The following EPO variants were observed in gnomAD, a reference collection of about 807,000 sequenced individuals.
EPO encodes epoetin.
A neutral mutation model predicts 24.4 loss-of-function variants in EPO; 12 were observed. The ratio of observed to expected loss-of-function variants is 0.49; its 90% CI spans 0.32 to 0.80. EPO has a LOEUF of 0.80. Ranked by LOEUF, EPO falls within the 30% of genes least tolerant of loss-of-function variation. EPO has a pLI of 0.04. For missense variants in EPO, 210 were observed against 238.0 expected (o/e 0.88, Z 0.77); for synonymous variants, 107 against 104.0 (o/e 1.03, Z -0.18).
rs749758292 is a variant in EPO, at chr7:100,722,666, C to T, written c.249C>T (p.Val83=). 28 of 1,588,420 alleles carry T rather than the reference C, an allele frequency of 1.8e-5. No individual in the cohort carries two copies. In the Admixed American group the frequency reaches 2.7e-4, roughly 15 times the overall value. Residue 83 remains valine (V), a splice_region_variant and synonymous_variant, in exon 4 of 5, where the codon GTC becomes GTT. Coordinates refer to ENST00000252723, the MANE Select transcript of EPO (RefSeq NM_000799.4). ...VNFYAWKRME[V]GQQAVEVWQG... The stretch of plus-strand genomic sequence containing the variant: ...CTCCCAGAGTCCACTCCCTGTAGGT[C>T]GGGCAGCAGGCCGTAGAAGTCTGGC...
chr7:100,721,501 T>A lies in EPO; in HGVS notation c.14-57T>A. On this transcript the variant is annotated intron_variant, in intron 1 of 4. Transcript: ENST00000252723. The surrounding 1 kb of genome is among the most constrained non-coding windows in gnomAD (Gnocchi z 4.0). ...GACGTGGGGATGAAGGAAGCTGTCC[T>A]TCCACAGCCACCCTTCTCCCTCCCC... is the stretch of plus-strand genomic sequence containing the variant. 1 of 1,583,676 alleles carries A rather than the reference T, an allele frequency of 6.3e-7. No individual in the cohort carries two copies. Among genetic ancestry groups the A allele is most frequent in the Non-Finnish European group, 8.6e-7 (1 of 1,162,620 alleles).
chr7:100,720,662 C>T lies in EPO; in HGVS notation c.-319C>T. ...CCGGGTGGCCCCTACCCCTGGCGAC[C>T]CCTCACGCACACAGCCTCTCCCCCA... On this transcript the variant is annotated 5_prime_UTR_variant, in exon 1 of 5. Transcript: ENST00000252723. 1 of 321,964 alleles carries T rather than the reference C, an allele frequency of 3.1e-6. No homozygotes were observed. Among genetic ancestry groups the T allele is most frequent in the Non-Finnish European group, 5.6e-6 (1 of 177,944 alleles). 19.9% of individuals were successfully genotyped at this position (321,964 alleles called of 1,614,324 possible).
rs1279603299 is a variant in EPO at position 100,720,955 on chromosome 7, C to A, written c.-26C>A. 5 of 1,559,542 alleles carry A rather than the reference C, an allele frequency of 3.2e-6. No homozygotes were observed. Among genetic ancestry groups the A allele is most frequent in the Non-Finnish European group, 3.5e-6 (4 of 1,155,304 alleles). ...TGGTCACCCGGCGCGCCCCAGGTCG[C>A]TGAGGGACCCCGGCCAGGCGCGGAG... On this transcript the variant is annotated 5_prime_UTR_variant, in exon 1 of 5. The change creates a new upstream start codon in the 5' untranslated region. Coordinates refer to ENST00000252723, the MANE Select transcript of EPO (RefSeq NM_000799.4).
Position 100,722,010 on chromosome 7 carries a change from G to C in EPO, c.208G>C (p.Asp70His). 6.2e-7 allele frequency: 1 copy of C among 1,612,394 alleles called. No homozygotes were observed. The highest frequency in any genetic ancestry group is 1.7e-4 in the Middle Eastern group (1 of 6,054). The change falls in exon 3 of 5, where the codon GAC becomes CAC. Residue 70 changes from aspartate to histidine, a missense_variant. Transcript: ENST00000252723. ...CSLNENITVPDTKVNFYAWKR... is the reference protein window; with the variant it reads ...CSLNENITVPHTKVNFYAWKR... ...CTTGAATGAGAATATCACTGTCCCA[G>C]ACACCAAAGTTAATTTCTATGCCTG...
At position 100,721,044 on chromosome 7, in the gene EPO, C is replaced by T; in HGVS notation, c.13+51C>T. 1 of 1,513,684 alleles carries T rather than the reference C, an allele frequency of 6.6e-7. No individual in the cohort carries two copies. Among genetic ancestry groups the T allele is most frequent in the Admixed American group, 2.1e-5 (1 of 48,438 alleles). 93.8% of individuals were successfully genotyped at this position (1,513,684 alleles called of 1,614,324 possible). A position where few individuals can be genotyped will look rare whatever the true frequency, so the allele number is the denominator to read the frequency against. Reference sequence around the variant, plus strand: ...CCGCCCGCCCGGGTCCCTGTTTGAGCGGGGATTTAGCGCCCCGGCTATTGG... The same window carrying T: ...CCGCCCGCCCGGGTCCCTGTTTGAGTGGGGATTTAGCGCCCCGGCTATTGG... On this transcript the variant is annotated intron_variant, in intron 1 of 4. Transcript: ENST00000252723. The surrounding 1 kb of genome is among the most constrained non-coding windows in gnomAD (Gnocchi z 4.0).
At chr7:100,722,939 CT>C in intron 4 of EPO, 38 bp from the exon 5 acceptor site, 1 of 1,611,558 alleles carries the variant, frequency 6.2e-7, no homozygotes, top group Middle Eastern at 1.7e-4. Context: ...CCTTCCCTTT[CT>C]GTGGCACTGC....
chr7:100,723,172 A>C lies in EPO; in HGVS notation c.*39A>C. The C allele has an allele frequency of 6.3e-7, 1 of 1,586,772 alleles. No homozygotes were observed. Reference sequence around the variant, plus strand: ...CCTGGGCATATCCACCACCTCCCTCACCAACATTGCTTGTGCCACACCCTC... The same window carrying C: ...CCTGGGCATATCCACCACCTCCCTCCCCAACATTGCTTGTGCCACACCCTC... On this transcript the variant is annotated 3_prime_UTR_variant, in exon 5 of 5. Transcript: ENST00000252723.
In EPO at chr7:100,720,825, G is replaced by T. The variant is rs1156668900; in HGVS notation, c.-156G>T. ...CCCGGAGCCGGACCGGGGCCACCGC[G>T]CCCGCTCTGCTCCGACACCGCGCCC... On this transcript the variant is annotated 5_prime_UTR_variant, in exon 1 of 5. Transcript: ENST00000252723. The T allele has an allele frequency of 1.1e-6, 1 of 897,050 alleles. No homozygotes were observed. Among genetic ancestry groups the T allele is most frequent in the Admixed American group, 4.4e-5 (1 of 22,826 alleles). 55.6% of individuals were successfully genotyped at this position (897,050 alleles called of 1,614,324 possible).
In EPO at chr7:100,722,017, A is replaced by G. The variant is rs570715685; in HGVS notation, c.215A>G (p.Lys72Arg). ...GAGAATATCACTGTCCCAGACACCA[A>G]AGTTAATTTCTATGCCTGGAAGAGG... The part of the protein sequence containing the change: ...LNENITVPDT[K>R]VNFYAWKRME... Residue 72 changes from lysine (K) to arginine (R), a missense_variant, in exon 3 of 5, where the codon AAA becomes AGA. Transcript: ENST00000252723. The G allele has an allele frequency of 6.9e-5, 112 of 1,611,780 alleles. No individual in the cohort carries two copies. In the South Asian group the frequency reaches 9.5e-4, roughly 14 times the overall value.
chr7:100,722,212 C>T (rs1027219921), intron 3 of EPO, among the ~76,000 whole-genome samples, 164 bp downstream of exon 3: 5 of 152,030 alleles, frequency 3.3e-5, no homozygotes, highest in African/African-American at 7.2e-5. Flanking sequence ...CTGAGATGGC[C>T]GAGATGGGAG....
chr7:100,720,651 C>T lies in EPO; in HGVS notation c.-330C>T, dbSNP rs1039062477. On this transcript the variant is annotated 5_prime_UTR_variant, in exon 1 of 5. Coordinates refer to ENST00000252723, the MANE Select transcript of EPO (RefSeq NM_000799.4). ...CTGCTCTGACCCCGGGTGGCCCCTA[C>T]CCCTGGCGACCCCTCACGCACACAG... is the stretch of plus-strand genomic sequence containing the variant. 2.3e-5 allele frequency: 7 copies of T among 305,180 alleles called. No individual in the cohort carries two copies. Among genetic ancestry groups the T allele is most frequent in the Non-Finnish European group, 3.6e-5 (6 of 167,232 alleles). The allele number at this position is 305,180 out of a possible 1,614,324, so 18.9% of individuals were successfully genotyped here. A position where few individuals can be genotyped will look rare whatever the true frequency, so the allele number is the denominator to read the frequency against.
chr7:100,721,005 C>CGGGCT lies in EPO; in HGVS notation c.13+17_13+21dup, dbSNP rs1438715165. The CGGGCT allele has an allele frequency of 6.3e-7, 1 of 1,576,194 alleles. No homozygotes were observed. ...GATGGGGGTGCACGGTGAGTACTCG[C>CGGGCT]GGGCTGGGCGCTCCCGCCCGCCCGG... On this transcript the variant is annotated intron_variant, in intron 1 of 4. Transcript: ENST00000252723. This position sits in a 1 kb window ranked among gnomAD's most constrained non-coding sequence, Gnocchi z 4.0.
At chr7:100,722,391 A>T (rs1457886027) in intron 3 of EPO, among the ~76,000 whole-genome samples, 1 of 152,154 alleles carries the variant, frequency 6.6e-6, no homozygotes, top group African/African-American at 2.4e-5. Flanking sequence ...TTGAGGCTGC[A>T]GTGAGCTGTG....
At position 100,721,966 on chromosome 7, in the gene EPO, G is replaced by T. The variant is rs866399102; in HGVS notation, c.164G>T (p.Gly55Val). ...EAKEAENITT[G>V]CAEHCSLNEN... ...CCCGGGCTGTGTGCATTTCAGACGG[G>T]CTGTGCTGAACACTGCAGCTTGAAT... is the stretch of plus-strand genomic sequence containing the variant. The change falls in exon 3 of 5, where the codon GGC (glycine) becomes GTC (valine). Residue 55 changes from glycine (G) to valine (V), a missense_variant. By Grantham distance (109) the Gly-to-Val change is moderately radical. Transcript: ENST00000252723. This position sits in a 1 kb window ranked among gnomAD's most constrained non-coding sequence, Gnocchi z 4.0. 6.2e-7 allele frequency: 1 copy of T among 1,609,092 alleles called. No homozygotes were observed. The highest frequency in any genetic ancestry group is 8.5e-7 in the Non-Finnish European group (1 of 1,178,784).
In EPO at chr7:100,721,717, C is replaced by T. The variant is rs1249264899; in HGVS notation, c.159+14C>T. The T allele has an allele frequency of 6.2e-7, 1 of 1,605,134 alleles. No individual in the cohort carries two copies. Among genetic ancestry groups the T allele is most frequent in the Non-Finnish European group, 8.5e-7 (1 of 1,179,062 alleles). ...GAGAATATCACGGTGAGACCCCTTCCCCAGCACATTCCACAGAACTCACGC... is the reference window on the plus strand; with the variant it reads ...GAGAATATCACGGTGAGACCCCTTCTCCAGCACATTCCACAGAACTCACGC... On this transcript the variant is annotated intron_variant, in intron 2 of 4. Coordinates refer to ENST00000252723, the MANE Select transcript of EPO (RefSeq NM_000799.4). The surrounding 1 kb of genome is among the most constrained non-coding windows in gnomAD (Gnocchi z 4.0).
At position 100,723,489 on chromosome 7, in the gene EPO, T is replaced by G; in HGVS notation, c.*356T>G. 1 of 187,080 alleles carries G rather than the reference T, an allele frequency of 5.3e-6. No individual in the cohort carries two copies. Among genetic ancestry groups the G allele is most frequent in the Non-Finnish European group, 1.1e-5 (1 of 90,594 alleles). 11.6% of individuals were successfully genotyped at this position (187,080 alleles called of 1,614,324 possible). ...GAGGCGATTTACCTGTTTTCGCACC[T>G]ACCATCAGGGACAGGATGACCTGGA... On this transcript the variant is annotated 3_prime_UTR_variant, in exon 5 of 5. Coordinates refer to ENST00000252723, the MANE Select transcript of EPO (RefSeq NM_000799.4).
At position 100,723,502 on chromosome 7, in the gene EPO, AG is replaced by A. The variant is rs1419844920; in HGVS notation, c.*371del. 9 of 177,800 alleles carry A rather than the reference AG, an allele frequency of 5.1e-5. No homozygotes were observed. Among genetic ancestry groups the A allele is most frequent in the Non-Finnish European group, 1.1e-4 (9 of 84,808 alleles). 11.0% of individuals were successfully genotyped at this position (177,800 alleles called of 1,614,324 possible). On this transcript the variant is annotated 3_prime_UTR_variant, in exon 5 of 5. Coordinates refer to ENST00000252723, the MANE Select transcript of EPO (RefSeq NM_000799.4). ...TGTTTTCGCACCTACCATCAGGGAC[AG>A]GATGACCTGGATAACTTAGGTGGCA...
Position 100,721,537 on chromosome 7 carries a change from C to T in EPO, c.14-21C>T. On this transcript the variant is annotated intron_variant, in intron 1 of 4. Coordinates refer to ENST00000252723, the MANE Select transcript of EPO (RefSeq NM_000799.4). This position sits in a 1 kb window ranked among gnomAD's most constrained non-coding sequence, Gnocchi z 4.0. Reference sequence around the variant, plus strand: ...CCCTTCTCCCTCCCCGCCTGACTCTCAGCCTGGCTATCTGTTCTAGAATGT... The same window carrying T: ...CCCTTCTCCCTCCCCGCCTGACTCTTAGCCTGGCTATCTGTTCTAGAATGT... The T allele has an allele frequency of 6.2e-7, 1 of 1,610,552 alleles. No individual in the cohort carries two copies. The highest frequency in any genetic ancestry group is 8.5e-7 in the Non-Finnish European group (1 of 1,177,972).
chr7:100,722,795 C>T lies in EPO; in HGVS notation c.378C>T (p.Val126=). The change falls in exon 4 of 5, where the codon GTC becomes GTT. Residue 126 remains valine (V), a synonymous_variant. Coordinates refer to ENST00000252723, the MANE Select transcript of EPO (RefSeq NM_000799.4). ...EPLQLHVDKA[V]SGLRSLTTLL... is the part of the protein sequence containing the mutation. ...TGCAGCTGCATGTGGATAAAGCCGTCAGTGGCCTTCGCAGCCTCACCACTC... is the reference window on the plus strand; with the variant it reads ...TGCAGCTGCATGTGGATAAAGCCGTTAGTGGCCTTCGCAGCCTCACCACTC... 6.2e-7 allele frequency: 1 copy of T among 1,614,074 alleles called. No individual in the cohort carries two copies. Among genetic ancestry groups the T allele is most frequent in the South Asian group, 1.1e-5 (1 of 91,086 alleles).
Sources: gnomAD v4.1 joint callset for allele counts (sites outside exome capture counted in the v4.1 genomes callset) on GRCh38, gnomAD v4.1.1 for gene constraint, Gnocchi (gnomAD v3.1) non-coding constraint, MANE v1.5 for transcripts, NCBI Gene and HGNC (gene_info 2026-07-23, HGNC 2026-07-21) for gene names.